DYNC2I1: variants seen among roughly 807,000 people sequenced by gnomAD.
The protein encoded by DYNC2I1 is dynein 2 intermediate chain 1.
Under a neutral mutation model 133.4 loss-of-function variants are expected in DYNC2I1, and 89 were observed. That is an observed-to-expected ratio of 0.67 (90% confidence interval 0.56 to 0.80). The LOEUF is 0.80. Ranked by LOEUF, DYNC2I1 falls within the 30% of genes least tolerant of loss-of-function variation. The pLI, the probability that DYNC2I1 is intolerant of heterozygous loss-of-function variation, is 0.00. For missense variants in DYNC2I1, 1,291 were observed against 1,314.5 expected (o/e 0.98, Z 0.28); for synonymous variants, 504 against 484.3 (o/e 1.04, Z -0.54).
chr7:158,933,586 G>A (rs1285878899), intron 21 of DYNC2I1, among the ~76,000 whole-genome samples: 6 of 152,254 alleles, frequency 3.9e-5, no homozygotes, highest in Non-Finnish European at 8.8e-5. Flanking sequence ...CTGAGTGGGT[G>A]TGTGGGAACC....
intron 1 of DYNC2I1, 78 bp from the exon 2 acceptor site, chr7:158,869,777 G>GC: frequency 9.1e-7 from 1 of 1,094,828 alleles, no homozygotes; most frequent in Non-Finnish European, 1.3e-6. Context: ...GATTTAAATG[G>GC]CATAATGAAA....
chr7:158,852,467 A>G (rs1337006899), upstream of DYNC2I1, among the ~76,000 whole-genome samples: 2 of 150,596 alleles, frequency 1.3e-5, no homozygotes, highest in African/African-American at 4.9e-5. Context: ...CCGGCTGGGC[A>G]TGGTGGCTCA....
chr7:158,878,812 G>C (rs1201047139), intron 4 of DYNC2I1, among the ~76,000 whole-genome samples: 4 of 143,492 alleles, frequency 2.8e-5, no homozygotes, highest in Non-Finnish European at 6.1e-5. Context: ...CATGTGGGGA[G>C]GCCAGGAGGG....
intron 23 of DYNC2I1, among the ~76,000 whole-genome samples, chr7:158,939,163 C>T (rs909495018): frequency 1.3e-5 from 2 of 151,994 alleles, no homozygotes; most frequent in Non-Finnish European, 2.9e-5. Flanking sequence ...GGTGCTGGGG[C>T]TTATGCCTAT....
chr7:158,868,653 G>A (rs991203398), intron 1 of DYNC2I1, among the ~76,000 whole-genome samples: 1 of 152,230 alleles, frequency 6.6e-6, no homozygotes, highest in African/African-American at 2.4e-5. Context: ...GTGAGCTTGT[G>A]GGCCCACCAG....
At chr7:158,916,974 C>T (rs13223361) in intron 14 of DYNC2I1, among the ~76,000 whole-genome samples, 5 of 31,792 alleles carry the variant, frequency 1.6e-4, no homozygotes, top group Non-Finnish European at 2.5e-4. Context: ...TGTGAAACGT[C>T]TACACGCTGG....
At position 158,945,882 on chromosome 7, in the gene DYNC2I1, T is replaced by C; in HGVS notation, c.*103T>C. 8.8e-7 allele frequency: 1 copy of C among 1,135,670 alleles called. No individual in the cohort carries two copies. The highest frequency in any genetic ancestry group is 1.2e-6 in the Non-Finnish European group (1 of 833,376). 70.3% of individuals were successfully genotyped at this position (1,135,670 alleles called of 1,614,324 possible). A position where few individuals can be genotyped will look rare whatever the true frequency, so the allele number is the denominator to read the frequency against. On this transcript the variant is annotated 3_prime_UTR_variant, in exon 25 of 25. Coordinates refer to ENST00000407559, the MANE Select transcript of DYNC2I1 (RefSeq NM_018051.5). This position sits in a 1 kb window ranked among gnomAD's most constrained non-coding sequence, Gnocchi z 4.1. ...TGCAAGTATATTTATGTATATAGACTATGTATATTCTGTATATAATTTATT... is the reference window on the plus strand; with the variant it reads ...TGCAAGTATATTTATGTATATAGACCATGTATATTCTGTATATAATTTATT...
chr7:158,840,133 A>G, the DYNC2I1 span, among the ~76,000 whole-genome samples: 1 of 152,144 alleles, frequency 6.6e-6, no homozygotes, highest in Non-Finnish European at 1.5e-5. Flanking sequence ...CTTTTGTGAC[A>G]AAGTTGCTTG....
chr7:158,858,404 GT>G (rs1841517691), intron 1 of DYNC2I1, among the ~76,000 whole-genome samples: 1 of 152,144 alleles, frequency 6.6e-6, no homozygotes. Context: ...AGGGAACAAT[GT>G]TTCTGGTGTC....
intron 5 of DYNC2I1, among the ~76,000 whole-genome samples, chr7:158,883,415 C>T (rs182733409): frequency 4.0e-3 from 582 of 146,392 alleles, no homozygotes; most frequent in African/African-American, 7.9e-3. Context: ...AGTAGAGTTT[C>T]GCCATGTTGG....
intron 17 of DYNC2I1, among the ~76,000 whole-genome samples, chr7:158,925,823 C>A (rs1038169380): frequency 2.6e-4 from 39 of 152,186 alleles, no homozygotes; most frequent in African/African-American, 8.9e-4. Flanking sequence ...CAGCTCCTTC[C>A]CCTCAGTTGT....
rs1851764075 is a variant in DYNC2I1, at chr7:158,945,253, G to A, written c.3003-328G>A. On this transcript the variant is annotated intron_variant, in intron 24 of 24. Coordinates refer to ENST00000407559, the MANE Select transcript of DYNC2I1 (RefSeq NM_018051.5). The surrounding 1 kb of genome is among the most constrained non-coding windows in gnomAD (Gnocchi z 4.1). Reference sequence around the variant, plus strand: ...TCCAGGGAGGCTGGAGACCAAGGACGAGGCTCTGATAGATGGGCCTGCCTG... The same window carrying A: ...TCCAGGGAGGCTGGAGACCAAGGACAAGGCTCTGATAGATGGGCCTGCCTG... Among the ~76,000 whole-genome samples, 1 of 152,102 alleles carries A rather than the reference G, an allele frequency of 6.6e-6. No individual in the cohort carries two copies. The highest frequency in any genetic ancestry group is 6.5e-5 in the Admixed American group (1 of 15,276).
At chr7:158,884,640 G>A (rs1262427255) in intron 6 of DYNC2I1, 21 bp downstream of exon 6, 8 of 1,611,850 alleles carry the variant, frequency 5.0e-6, no homozygotes, top group African/African-American at 1.3e-5. Context: ...CATGCCCTGT[G>A]GTCGACCTTT....
chr7:158,926,839 G>A (rs1474055714), intron 19 of DYNC2I1, among the ~76,000 whole-genome samples, 153 bp from the exon 20 acceptor site: 1 of 152,206 alleles, frequency 6.6e-6, no homozygotes, highest in African/African-American at 2.4e-5. Context: ...CTTGTAGAGT[G>A]TTAGTTCTGA....
chr7:158,847,101 T>A, the DYNC2I1 span, among the ~76,000 whole-genome samples: 1 of 152,228 alleles, frequency 6.6e-6, no homozygotes, highest in African/African-American at 2.4e-5. Flanking sequence ...TGATGCCTTT[T>A]GGTTCACATC....
chr7:158,917,172 G>T (rs1328208647), intron 14 of DYNC2I1, among the ~76,000 whole-genome samples: 1 of 139,854 alleles, frequency 7.2e-6, no homozygotes, highest in Non-Finnish European at 1.6e-5. Context: ...GTTGACACGT[G>T]GTTGACATTA....
At chr7:158,849,168 G>A in the DYNC2I1 span, among the ~76,000 whole-genome samples, 1 of 152,200 alleles carries the variant, frequency 6.6e-6, no homozygotes, top group Non-Finnish European at 1.5e-5. Context: ...AGGTAAAATG[G>A]TCTGTGGGTA....
intron 6 of DYNC2I1, among the ~76,000 whole-genome samples, chr7:158,885,002 G>A (rs1844453003): frequency 6.6e-6 from 1 of 152,184 alleles, no homozygotes; most frequent in South Asian, 2.1e-4. Flanking sequence ...CACTTAATGT[G>A]CAAGAGGGAG....
At chr7:158,857,308 G>C (rs1841362306) in intron 1 of DYNC2I1, among the ~76,000 whole-genome samples, 1 of 152,092 alleles carries the variant, frequency 6.6e-6, no homozygotes, top group East Asian at 1.9e-4. Context: ...GGTTAAGTGA[G>C]ATATTATGTG....
Sources: allele counts gnomAD v4.1 joint callset (sites outside exome capture counted in the v4.1 genomes callset), GRCh38; gene constraint gnomAD v4.1.1; non-coding constraint Gnocchi (gnomAD v3.1); transcripts MANE v1.5; gene names NCBI Gene and HGNC (gene_info 2026-07-23, HGNC 2026-07-21).